Variants in PDE1C observed in about 807,000 individuals in gnomAD.
The protein encoded by PDE1C is dual specificity calcium/calmodulin-dependent 3',5'-cyclic nucleotide phosphodiesterase 1C.
Under a neutral mutation model 93.1 loss-of-function variants are expected in PDE1C, and 62 were observed. That is an observed-to-expected ratio of 0.67 (90% CI 0.54 to 0.82). PDE1C has a LOEUF of 0.82. PDE1C is among the 40% of genes least tolerant of loss of function. The pLI, the probability that PDE1C is intolerant of heterozygous loss-of-function variation, is 0.00. For missense variants in PDE1C, 742 were observed against 884.6 expected, an observed-to-expected ratio of 0.84 and a Z score of 2.04; for synonymous variants, 325 against 310.1, an observed-to-expected ratio of 1.05 and a Z score of -0.50.
At chr7:32,395,995 AT>A in intron 1 of PDE1C, among the ~76,000 whole-genome samples, 2 of 152,212 alleles carry the variant, frequency 1.3e-5, no homozygotes, top group Non-Finnish European at 2.9e-5. Context: ...CCCTAAATTA[AT>A]TTAAAAGTGA....
chr7:32,158,573 T>C (rs1016438059), intron 3 of PDE1C, among the ~76,000 whole-genome samples: 2 of 152,164 alleles, frequency 1.3e-5, no homozygotes, highest in African/African-American at 4.8e-5. Flanking sequence ...TTTTCACAAG[T>C]TTCTTCCCAA....
chr7:32,119,797 A>G (rs1404048992), intron 3 of PDE1C, among the ~76,000 whole-genome samples: 1 of 152,186 alleles, frequency 6.6e-6, no homozygotes, highest in Non-Finnish European at 1.5e-5. Context: ...CCTCCAGGGC[A>G]TAGGGTCCCA....
At position 31,823,352 on chromosome 7, in the gene PDE1C, G is replaced by A. The variant is rs1789239668; in HGVS notation, c.1407-104C>T. On this transcript the variant is annotated intron_variant, in intron 13 of 17. Transcript: ENST00000396191. ...AATGGTTAGCACTCCTAAAGTTATT[G>A]CTGTGAAATATCTGGATCCTGAGGT... 3 of 797,490 alleles carry A rather than the reference G, an allele frequency of 3.8e-6. No homozygotes were observed. In the South Asian group the frequency reaches 6.1e-5, roughly 16 times the overall value. The allele number at this position is 797,490 out of a possible 1,614,324, so 49.4% of individuals were successfully genotyped here.
At position 32,426,745 on chromosome 7, in the gene PDE1C, G is replaced by C. The variant is rs1487385203; in HGVS notation, c.310+1077C>G. On this transcript the variant is annotated intron_variant, in intron 1 of 1. Coordinates refer to the PDE1C transcript ENST00000672256. ...TGATAAATCTCCCCTTGAAAGGACA[G>C]AGTGTTTGTGTCTTCTTTTAATATT... Among the ~76,000 whole-genome samples, 5 of 152,284 alleles carry C rather than the reference G, an allele frequency of 3.3e-5. No individual in the cohort carries two copies. In the South Asian group the frequency reaches 8.3e-4, roughly 25 times the overall value.
At chr7:32,336,028 A>T (rs1261137017) in intron 1 of PDE1C, among the ~76,000 whole-genome samples, 1 of 152,176 alleles carries the variant, frequency 6.6e-6, no homozygotes, top group East Asian at 1.9e-4. Context: ...CAACACAGTC[A>T]CATCTGAGAT....
intron 1 of PDE1C, among the ~76,000 whole-genome samples, chr7:32,318,701 G>A (rs215625): frequency 0.59 from 89,161 of 152,020 alleles, 27,585 homozygotes; most frequent in Admixed American, 0.71. Context: ...GCGTGAGCAG[G>A]AATAAAGCGA....
intron 2 of PDE1C, among the ~76,000 whole-genome samples, chr7:31,894,932 G>A (rs1004708551): frequency 1.3e-5 from 2 of 152,174 alleles, no homozygotes; most frequent in African/African-American, 2.4e-5. Flanking sequence ...GTTAGACAGG[G>A]CAAGGAGAGA....
chr7:32,266,027 C>A (rs1810548607), intron 1 of PDE1C, among the ~76,000 whole-genome samples: 2 of 119,786 alleles, frequency 1.7e-5, no homozygotes, highest in Admixed American at 7.9e-5. Context: ...GTAATCCCAG[C>A]ACTTTGAGAG....
intron 2 of PDE1C, among the ~76,000 whole-genome samples, chr7:31,904,824 T>C (rs539713518): frequency 1.3e-5 from 2 of 152,304 alleles, no homozygotes; most frequent in African/African-American, 4.8e-5. Flanking sequence ...CAATCAACCA[T>C]ATTTGTTGAT....
intron 2 of PDE1C, among the ~76,000 whole-genome samples, chr7:32,206,003 A>G (rs933215639): frequency 6.6e-6 from 1 of 152,254 alleles, no homozygotes; most frequent in African/African-American, 2.4e-5. Context: ...CCAAGAACCC[A>G]CCAGAAGAAA....
chr7:31,898,269 A>G (rs1583853544), intron 2 of PDE1C, among the ~76,000 whole-genome samples: 1 of 152,138 alleles, frequency 6.6e-6, no homozygotes, highest in African/African-American at 2.4e-5. Flanking sequence ...TAAAATACCT[A>G]TTAGAAAATA....
At chr7:32,311,274 C>G (rs1193160693) in intron 1 of PDE1C, among the ~76,000 whole-genome samples, 1 of 151,802 alleles carries the variant, frequency 6.6e-6, no homozygotes, top group African/African-American at 2.4e-5. Flanking sequence ...GCTTACCAAC[C>G]AAAAAAAAGT....
chr7:32,101,389 T>C (rs1798029117), intron 3 of PDE1C, among the ~76,000 whole-genome samples: 1 of 152,216 alleles, frequency 6.6e-6, no homozygotes. Flanking sequence ...TTTGGAAGTT[T>C]TGTTCCCTCC....
chr7:32,261,429 TTAAAA>T (rs1376592168), intron 1 of PDE1C, among the ~76,000 whole-genome samples: 3 of 152,172 alleles, frequency 2.0e-5, no homozygotes, highest in Non-Finnish European at 4.4e-5. Context: ...CAAATTATCT[TTAAAA>T]ACTCTGATCC....
intron 9 of PDE1C, among the ~76,000 whole-genome samples, chr7:31,839,275 T>C (rs1204153829): frequency 6.6e-6 from 1 of 150,566 alleles, no homozygotes; most frequent in Non-Finnish European, 1.5e-5. Flanking sequence ...CACACATTAT[T>C]TTAAAATAGT....
chr7:32,084,595 G>A (rs1054192572), intron 3 of PDE1C, among the ~76,000 whole-genome samples: 1 of 151,818 alleles, frequency 6.6e-6, no homozygotes, highest in Non-Finnish European at 1.5e-5. Context: ...TGCACACATA[G>A]TTGGAAGTAA....
In PDE1C at chr7:31,903,337, A is replaced by G. The variant is rs145446051; in HGVS notation, c.129-22477T>C. ...GTATGGAATGCTCAAAACTTTTAGT[A>G]AATTATAATTTATTTTCTGCTAGAA... On this transcript the variant is annotated intron_variant, in intron 2 of 17. Transcript: ENST00000396191. Among the ~76,000 whole-genome samples, 511 of 152,136 alleles carry G rather than the reference A, an allele frequency of 3.4e-3. 4 individuals carry two copies. Among genetic ancestry groups the G allele is most frequent in the Admixed American group, 0.024 (369 of 15,256 alleles).
chr7:32,196,163 A>T (rs1262452445), intron 2 of PDE1C, among the ~76,000 whole-genome samples: 1 of 152,122 alleles, frequency 6.6e-6, no homozygotes. Context: ...ACTTTTTCTG[A>T]TGCCATGCCA....
intron 2 of PDE1C, among the ~76,000 whole-genome samples, chr7:31,890,537 T>A (rs1455541576): frequency 6.6e-6 from 1 of 152,174 alleles, no homozygotes; most frequent in Non-Finnish European, 1.5e-5. Context: ...TTTTCTGAAT[T>A]TAGTTCCTCA....
Sources: allele counts gnomAD v4.1 joint callset (sites outside exome capture counted in the v4.1 genomes callset), GRCh38; gene constraint gnomAD v4.1.1; transcripts MANE v1.5; gene names NCBI Gene and HGNC (gene_info 2026-07-23, HGNC 2026-07-21).